CELF4: variants seen among roughly 807,000 people sequenced by gnomAD.
CELF4 encodes CUG-BP- and ETR-3-like factor 4.
A neutral mutation model predicts 59.9 loss-of-function variants in CELF4; 18 were observed. The observed-to-expected ratio is 0.30, with a 90% confidence interval of 0.21 to 0.45. CELF4 has a LOEUF of 0.45. Among genes scored for constraint, CELF4 ranks in the 20% least tolerant of loss-of-function variants. The pLI is 1.00. For missense variants in CELF4, 456 were observed against 689.0 expected, an observed-to-expected ratio of 0.66 and a Z score of 3.79; for synonymous variants, 261 against 267.1, an observed-to-expected ratio of 0.98 and a Z score of 0.22.
intron 2 of CELF4, among the ~76,000 whole-genome samples, chr18:37,416,932 G>T (rs1272182710): frequency 6.6e-6 from 1 of 151,962 alleles, no homozygotes; most frequent in Non-Finnish European, 1.5e-5. Flanking sequence ...GGCAAGGGAA[G>T]TAGACAAAGG....
chr18:37,529,706 G>A (rs2099967505), intron 1 of CELF4, among the ~76,000 whole-genome samples: 1 of 152,192 alleles, frequency 6.6e-6, no homozygotes, highest in Non-Finnish European at 1.5e-5. Flanking sequence ...GTGTGATGTG[G>A]TGCTGGTAGG....
chr18:37,279,446 A>G (rs1232111895), intron 3 of CELF4, among the ~76,000 whole-genome samples: 1 of 152,198 alleles, frequency 6.6e-6, no homozygotes, highest in African/African-American at 2.4e-5. Context: ...AGTGAGCACA[A>G]CAAAATCCGC....
At chr18:37,357,546 G>A (rs1240600863) in intron 2 of CELF4, among the ~76,000 whole-genome samples, 3 of 152,162 alleles carry the variant, frequency 2.0e-5, no homozygotes, top group Admixed American at 6.5e-5. Flanking sequence ...ATGTGGAGTC[G>A]GAGCCTCCAC....
intron 2 of CELF4, among the ~76,000 whole-genome samples, chr18:37,372,607 T>C (rs2098913857): frequency 6.6e-6 from 1 of 152,078 alleles, no homozygotes; most frequent in African/African-American, 2.4e-5. Context: ...GTTGTGCACA[T>C]GTACCCTAGA....
intron 1 of CELF4, among the ~76,000 whole-genome samples, chr18:37,516,262 C>T (rs553654009): frequency 3.9e-4 from 59 of 152,242 alleles, no homozygotes; most frequent in Middle Eastern, 6.8e-3. Context: ...GTGCACACAC[C>T]GTTTCCTCTG....
intron 1 of CELF4, among the ~76,000 whole-genome samples, chr18:37,496,990 C>T (rs957995317): frequency 4.6e-5 from 7 of 152,136 alleles, no homozygotes; most frequent in Non-Finnish European, 7.3e-5. Flanking sequence ...CAGCTGGCCC[C>T]GGTCCTGGGA....
At chr18:37,366,349 C>A (rs1278834328) in intron 2 of CELF4, among the ~76,000 whole-genome samples, 1 of 152,188 alleles carries the variant, frequency 6.6e-6, no homozygotes, top group Non-Finnish European at 1.5e-5. Context: ...CAGATGTCAG[C>A]TCTCCTGTGT....
intron 2 of CELF4, among the ~76,000 whole-genome samples, chr18:37,337,915 C>A (rs935192034): frequency 2.0e-5 from 3 of 152,224 alleles, no homozygotes; most frequent in African/African-American, 7.2e-5. Context: ...CTGTGTTTAA[C>A]CTGACCCCCG....
chr18:37,310,786 G>T (rs1389956705), intron 3 of CELF4, among the ~76,000 whole-genome samples: 3 of 152,086 alleles, frequency 2.0e-5, no homozygotes, highest in African/African-American at 7.2e-5. Context: ...GTACACCAGG[G>T]CTCACTCTGT....
chr18:37,427,586 C>A (rs1360086246), intron 2 of CELF4, among the ~76,000 whole-genome samples: 3 of 152,154 alleles, frequency 2.0e-5, no homozygotes, highest in Admixed American at 1.3e-4. Context: ...CCCTGACCCC[C>A]AACCTGACCT....
chr18:37,539,060 C>T (rs1206294855), intron 1 of CELF4, among the ~76,000 whole-genome samples: 4 of 152,078 alleles, frequency 2.6e-5, no homozygotes, highest in Non-Finnish European at 5.9e-5. Context: ...TCCTCGGTCT[C>T]ATCAGGGTTC....
At position 37,415,190 on chromosome 18, in the gene CELF4, G is replaced by A. The variant is rs112165768; in HGVS notation, c.369+70335C>T. On this transcript the variant is annotated intron_variant, in intron 2 of 12. Transcript: ENST00000420428. ...CAGAGTGCTGGTTGGGTCAGATGGA[G>A]AAGGGAAGAGACATGGAGGGTGAAC... is the stretch of plus-strand genomic sequence containing the variant. 5.5e-3 allele frequency among the ~76,000 whole-genome samples: 844 copies of A among 152,342 alleles called. 10 individuals are homozygous for A. The highest frequency in any genetic ancestry group is 0.02 in the African/African-American group (814 of 41,578).
chr18:37,280,122 T>C (rs938449058), intron 3 of CELF4, among the ~76,000 whole-genome samples: 7 of 152,118 alleles, frequency 4.6e-5, no homozygotes, highest in African/African-American at 7.2e-5. Flanking sequence ...CTAACCACCA[T>C]AGGGGAGTAG....
intron 8 of CELF4, among the ~76,000 whole-genome samples, chr18:37,270,465 G>A (rs933315048): frequency 3.3e-5 from 5 of 152,250 alleles, no homozygotes; most frequent in Middle Eastern, 3.4e-3. Context: ...TGCACTTACT[G>A]GCCTCTCTAC....
At chr18:37,367,553 A>G (rs2098800756) in intron 2 of CELF4, among the ~76,000 whole-genome samples, 1 of 152,072 alleles carries the variant, frequency 6.6e-6, no homozygotes. Flanking sequence ...CCACGGCTGA[A>G]TTTCCTAATG....
chr18:37,541,484 G>T (rs1569569819), intron 1 of CELF4, among the ~76,000 whole-genome samples: 2 of 151,950 alleles, frequency 1.3e-5, no homozygotes, highest in Non-Finnish European at 2.9e-5. Flanking sequence ...TCCTCTGGCT[G>T]CCCCCCTCCG....
intron 3 of CELF4, among the ~76,000 whole-genome samples, chr18:37,320,999 T>C (rs576959264): frequency 2.3e-4 from 35 of 152,248 alleles, no homozygotes; most frequent in Admixed American, 8.5e-4. Context: ...TTTCTTTTAA[T>C]GTCAGAGTAT....
At chr18:37,541,837 G>A (rs2099978063) in intron 1 of CELF4, among the ~76,000 whole-genome samples, 1 of 151,972 alleles carries the variant, frequency 6.6e-6, no homozygotes, top group African/African-American at 2.4e-5. Context: ...TTCCTCAGAG[G>A]AGCCCTCCCC....
chr18:37,544,385 T>C (rs551877966), intron 1 of CELF4, among the ~76,000 whole-genome samples: 1 of 152,276 alleles, frequency 6.6e-6, no homozygotes, highest in Non-Finnish European at 1.5e-5. Flanking sequence ...TGGACCTCAG[T>C]GCTATGCATT....
Sources: allele counts gnomAD v4.1 joint callset (sites outside exome capture counted in the v4.1 genomes callset), GRCh38; gene constraint gnomAD v4.1.1; transcripts MANE v1.5; gene names NCBI Gene and HGNC (gene_info 2026-07-23, HGNC 2026-07-21).